CLPX: variants seen among roughly 807,000 people sequenced by gnomAD.
CLPX encodes caseinolytic mitochondrial matrix peptidase chaperone subunit X.
In CLPX, 34 loss-of-function variants were observed where a neutral mutation model predicts 76.4. The observed-to-expected ratio is 0.45, with a 90% CI of 0.34 to 0.59. The LOEUF is 0.59. CLPX is among the 20% of genes least tolerant of loss of function. The pLI is 0.01. For missense variants in CLPX, 613 were observed against 757.0 expected (o/e 0.81, Z 2.23); for synonymous variants, 248 against 270.9 (o/e 0.92, Z 0.83).
intron 3 of CLPX, among the ~76,000 whole-genome samples, chr15:65,172,138 T>G (rs1218181528): frequency 6.6e-6 from 1 of 152,080 alleles, no homozygotes; most frequent in East Asian, 1.9e-4. Context: ...TAATTTTGTA[T>G]TTTTAGTAGA....
chr15:65,154,687 T>C, intron 11 of CLPX, 95 bp downstream of exon 11: 1 of 884,954 alleles, frequency 1.1e-6, no homozygotes, highest in Non-Finnish European at 1.7e-6. Flanking sequence ...GTATTCTAGA[T>C]GAGCAGAATT....
intron 3 of CLPX, among the ~76,000 whole-genome samples, chr15:65,176,860 G>A (rs1401362224): frequency 6.6e-6 from 1 of 151,628 alleles, no homozygotes; most frequent in African/African-American, 2.4e-5. Flanking sequence ...CTCCCATAGT[G>A]CTGGGATTAC....
At chr15:65,154,621 A>G (rs1312361224) in intron 11 of CLPX, 161 bp downstream of exon 11, 14 of 599,704 alleles carry the variant, frequency 2.3e-5, no homozygotes, top group Non-Finnish European at 3.7e-5. Flanking sequence ...AAATTCTAAC[A>G]TAATACAATA....
In CLPX at chr15:65,177,380, T is replaced by TA. The variant is rs570564678; in HGVS notation, c.358+1553dup. Among the ~76,000 whole-genome samples the TA allele has an allele frequency of 1.2e-4, 19 of 152,310 alleles. No individual in the cohort carries two copies. The East Asian group carries it at 3.7e-3, about 29-fold the overall frequency. ...CACAGCGCCTGGCCCACTTTCATTT[T>TA]ATGTTGTGATCCAAATTAAATTTTG... is the stretch of plus-strand genomic sequence containing the variant. On this transcript the variant is annotated intron_variant, in intron 3 of 13. Transcript: ENST00000300107.
chr15:65,162,494 T>A, intron 6 of CLPX, 110 bp downstream of exon 6: 1 of 667,550 alleles, frequency 1.5e-6, no homozygotes, highest in Non-Finnish European at 2.6e-6. Flanking sequence ...TCTTTCTTGG[T>A]AATACACAAG....
intron 3 of CLPX, among the ~76,000 whole-genome samples, chr15:65,172,226 C>T (rs774549667): frequency 2.0e-5 from 3 of 152,114 alleles, no homozygotes; most frequent in Admixed American, 6.6e-5. Flanking sequence ...GCCTTCCAAA[C>T]GGCTGGCATT....
At chr15:65,163,750 G>A (rs1002560192) in intron 5 of CLPX, among the ~76,000 whole-genome samples, 9 of 152,040 alleles carry the variant, frequency 5.9e-5, no homozygotes, top group Non-Finnish European at 1.0e-4. Flanking sequence ...GCCTCCAAAC[G>A]TGCTGGGATT....
intron 3 of CLPX, among the ~76,000 whole-genome samples, chr15:65,171,434 G>A (rs1368708821): frequency 2.7e-5 from 4 of 150,014 alleles, no homozygotes; most frequent in Non-Finnish European, 5.9e-5. Flanking sequence ...GCAATAGAGC[G>A]AGACTCAGTC....
At chr15:65,165,375 A>ATTTTT (rs34678725) in intron 4 of CLPX, among the ~76,000 whole-genome samples, 3 of 69,160 alleles carry the variant, frequency 4.3e-5, no homozygotes, top group Non-Finnish European at 5.3e-5. Flanking sequence ...AACTGCCTGG[A>ATTTTT]TTTTTTTTTT....
intron 8 of CLPX, 88 bp downstream of exon 8, chr15:65,157,658 G>C (rs543425198): frequency 3.2e-6 from 4 of 1,237,674 alleles, no homozygotes; most frequent in Non-Finnish European, 4.4e-6. Context: ...TTTAGTCCTT[G>C]ACTCAAAACA....
At chr15:65,164,311 A>G in intron 4 of CLPX, 123 bp from the exon 5 acceptor site, 1 of 677,972 alleles carries the variant, frequency 1.5e-6, no homozygotes, top group South Asian at 2.1e-5. Flanking sequence ...CTCATTAAAA[A>G]CAAAATGACA....
At chr15:65,183,460 C>CAAAAAAAAAA (rs61002905) in intron 1 of CLPX, among the ~76,000 whole-genome samples, 5 of 66,248 alleles carry the variant, frequency 7.5e-5, no homozygotes, top group Non-Finnish European at 8.0e-5. Context: ...GACTCTGTCT[C>CAAAAAAAAAA]AAAAAAAAAA....
intron 1 of CLPX, among the ~76,000 whole-genome samples, chr15:65,183,099 G>A (rs947387899): frequency 4.0e-5 from 6 of 151,492 alleles, no homozygotes; most frequent in Admixed American, 4.0e-4. Context: ...AGGAGACGGA[G>A]GTTGCAGTGA....
intron 3 of CLPX, 145 bp downstream of exon 3, chr15:65,178,789 T>A: frequency 3.1e-6 from 1 of 319,328 alleles, no homozygotes; most frequent in Non-Finnish European, 5.7e-6. Flanking sequence ...TCCCATCTCC[T>A]CCTTCCAAAG....
In CLPX at chr15:65,185,039, C is replaced by A. The variant is rs547000882; in HGVS notation, c.79+36G>T. ...ATTGGCCAGTCCACCCCCCCCCCGA[C>A]AGGCTGAGGGCTCAGGAGTGGCACT... On this transcript the variant is annotated intron_variant, in intron 1 of 13. Transcript: ENST00000300107. 41 of 1,510,262 alleles carry A rather than the reference C, an allele frequency of 2.7e-5. No homozygotes were observed. In the South Asian group the frequency reaches 3.8e-4, roughly 14 times the overall value. 93.6% of individuals were successfully genotyped at this position (1,510,262 alleles called of 1,614,324 possible).
intron 13 of CLPX, among the ~76,000 whole-genome samples, chr15:65,151,290 A>G (rs1178601961): frequency 6.6e-6 from 1 of 150,652 alleles, no homozygotes; most frequent in Non-Finnish European, 1.5e-5. Context: ...GGTTGCAGTA[A>G]GCCGAAATCA....
In CLPX at chr15:65,155,585, CTT is replaced by C. The variant is rs2087778500; in HGVS notation, c.1311+105_1311+106del. On this transcript the variant is annotated intron_variant, in intron 10 of 13. Coordinates refer to ENST00000300107, the MANE Select transcript of CLPX (RefSeq NM_006660.5). ...TGATATGCTCTAAGAAAACCCAACT[CTT>C]ATAATTAAAACTATGACTGGTAGCC... 7 of 962,642 alleles carry C rather than the reference CTT, an allele frequency of 7.3e-6. No homozygotes were observed. In the Admixed American group the frequency reaches 1.4e-4, roughly 20 times the overall value. 59.6% of individuals were successfully genotyped at this position (962,642 alleles called of 1,614,324 possible).
At chr15:65,160,621 T>TCACA (rs759420054) in intron 6 of CLPX, among the ~76,000 whole-genome samples, 118 of 128,558 alleles carry the variant, frequency 9.2e-4, no homozygotes, top group African/African-American at 3.2e-3. Context: ...TCTCTCTCTC[T>TCACA]CTCACACACA....
At position 65,185,121 on chromosome 15, in the gene CLPX, C is replaced by A. The variant is rs372126805; in HGVS notation, c.33G>T (p.Ala11=). The stretch of plus-strand genomic sequence containing the variant: ...AGGAGGTGATGAGCCGGACGGCCGC[C>A]GCGCCGCAAGTACAAGCACCGCAGC... MPSCGACTCG[A]AAVRLITSSL... Residue 11 remains alanine, a synonymous_variant, in exon 1 of 14, where the codon GCG becomes GCT. Transcript: ENST00000300107. 4.7e-5 allele frequency: 74 copies of A among 1,580,502 alleles called. No homozygotes were observed. In the African/African-American group the frequency reaches 9.0e-4, roughly 19 times the overall value.
Sources: allele counts gnomAD v4.1 joint callset (sites outside exome capture counted in the v4.1 genomes callset), GRCh38; gene constraint gnomAD v4.1.1; transcripts MANE v1.5; gene names NCBI Gene and HGNC (gene_info 2026-07-23, HGNC 2026-07-21).